Variants in GOLGA4 observed in about 807,000 individuals in gnomAD.
The protein encoded by GOLGA4 is golgin A4.
GOLGA4 carries 169 observed loss-of-function variants against 265.9 expected under a neutral mutation model. That is an observed-to-expected ratio of 0.64 (90% confidence interval 0.56 to 0.72). The LOEUF (loss-of-function observed/expected upper bound fraction) is 0.72, where lower values mean the gene tolerates loss of function less well. Ranked by LOEUF, GOLGA4 falls within the 30% of genes least tolerant of loss-of-function variation. The pLI, the probability that GOLGA4 is intolerant of heterozygous loss-of-function variation, is 0.00. For missense variants in GOLGA4, 2,482 were observed against 2,483.4 expected, an observed-to-expected ratio of 1.00 and a Z score of 0.01; for synonymous variants, 923 against 855.8, an observed-to-expected ratio of 1.08 and a Z score of -1.37.
intron 18 of GOLGA4, among the ~76,000 whole-genome samples, 196 bp downstream of exon 18, chr3:37,337,359 C>T (rs928780176): frequency 1.5e-4 from 23 of 151,802 alleles, no homozygotes; most frequent in Admixed American, 1.1e-3. Context: ...CCACCACGCC[C>T]GGCCAATTTT....
chr3:37,276,273 G>C (rs940939039), intron 2 of GOLGA4: 9 of 1,570,160 alleles, frequency 5.7e-6, no homozygotes, highest in Admixed American at 1.8e-5. Context: ...GTACGAAGTA[G>C]GATATCAAAT....
rs147753368 is a variant in GOLGA4, at chr3:37,271,999, C to G, written c.163-9959C>G. Reference sequence around the variant, plus strand: ...TTATGAGAATATAATGCCTGATGATCTGTCACTGTCTCCCATCACCCCCAG... The same window carrying G: ...TTATGAGAATATAATGCCTGATGATGTGTCACTGTCTCCCATCACCCCCAG... On this transcript the variant is annotated intron_variant, in intron 2 of 23. Coordinates refer to ENST00000361924, the MANE Select transcript of GOLGA4 (RefSeq NM_002078.5). 8.5e-3 allele frequency among the ~76,000 whole-genome samples: 1,300 copies of G among 152,304 alleles called. 24 individuals are homozygous for G. Among genetic ancestry groups the G allele is most frequent in the African/African-American group, 0.03 (1,238 of 41,558 alleles).
chr3:37,258,175 C>CAT lies in GOLGA4; in HGVS notation c.162+6698_162+6699dup, dbSNP rs1006696418. On this transcript the variant is annotated intron_variant, in intron 2 of 23. Transcript: ENST00000361924. Reference sequence around the variant, plus strand: ...CTGTATATGTATGCTATATATATAGCATATATATGCTCTGTATATGTATGA... The same window carrying CAT: ...CTGTATATGTATGCTATATATATAGCATATATATATGCTCTGTATATGTATGA... 5.0e-5 allele frequency among the ~76,000 whole-genome samples: 7 copies of CAT among 140,278 alleles called. No homozygotes were observed. The East Asian group carries it at 8.3e-4, about 17-fold the overall frequency. 92.0% of individuals were successfully genotyped at this position (140,278 alleles called of 152,430 possible).
At chr3:37,301,015 T>C (rs2096891265) in intron 9 of GOLGA4, among the ~76,000 whole-genome samples, 1 of 152,354 alleles carries the variant, frequency 6.6e-6, no homozygotes, top group Admixed American at 6.5e-5. Context: ...AGATTTCATA[T>C]AGCAGTGCCT....
rs751804568 is a variant in GOLGA4 at position 37,299,332 on chromosome 3, T to A, written c.1047T>A (p.Arg349=). ...AEKTKLITQL[R]DAKNLIEQLE... is the part of the protein sequence containing the mutation. ...AGACTAAACTTATCACTCAGTTGCG[T>A]GATGCAAAGAACTTAATTGAACAGC... The change falls in exon 9 of 24, where the codon CGT becomes CGA. Residue 349 remains arginine, a synonymous_variant. Transcript: ENST00000361924. The A allele has an allele frequency of 1.2e-6, 2 of 1,613,556 alleles. No individual in the cohort carries two copies. Among genetic ancestry groups the A allele is most frequent in the Admixed American group, 3.3e-5 (2 of 60,018 alleles).
At chr3:37,317,375 G>T (rs1267154060) in intron 11 of GOLGA4, among the ~76,000 whole-genome samples, 1 of 152,052 alleles carries the variant, frequency 6.6e-6, no homozygotes, top group Admixed American at 6.5e-5. Context: ...TCTCCATGTT[G>T]GCCAGGCTGG....
chr3:37,345,521 C>T (rs867255076), intron 20 of GOLGA4, among the ~76,000 whole-genome samples: 12 of 152,242 alleles, frequency 7.9e-5, no homozygotes, highest in Middle Eastern at 6.8e-3. Context: ...TTAGAGGCAA[C>T]GAGTAGACAA....
At chr3:37,271,119 T>C (rs1294279549) in intron 2 of GOLGA4, among the ~76,000 whole-genome samples, 1 of 152,122 alleles carries the variant, frequency 6.6e-6, no homozygotes, top group African/African-American at 2.4e-5. Context: ...GTAATGCGAG[T>C]GACGGGGAGC....
At chr3:37,313,897 T>C (rs769622167) in intron 10 of GOLGA4, among the ~76,000 whole-genome samples, 2 of 152,126 alleles carry the variant, frequency 1.3e-5, no homozygotes, top group African/African-American at 2.4e-5. Context: ...CATTGTGAAG[T>C]TGACAAATCT....
At chr3:37,248,800 G>C (rs536277664) in intron 1 of GOLGA4, among the ~76,000 whole-genome samples, 2 of 152,304 alleles carry the variant, frequency 1.3e-5, no homozygotes, top group South Asian at 2.1e-4. Flanking sequence ...CAAGGTGTAA[G>C]ACGTAATGCC....
intron 2 of GOLGA4, among the ~76,000 whole-genome samples, chr3:37,255,794 C>T (rs938621950): frequency 2.0e-5 from 3 of 151,380 alleles, no homozygotes; most frequent in African/African-American, 7.3e-5. Context: ...ACTCTGTTGC[C>T]CAGGTTGAAG....
chr3:37,302,064 T>C (rs940177790), intron 9 of GOLGA4, 121 bp from the exon 10 acceptor site: 18 of 793,866 alleles, frequency 2.3e-5, no homozygotes, highest in Non-Finnish European at 3.5e-5. Context: ...GCTGGGATTA[T>C]GGACATGAGT....
In GOLGA4 at chr3:37,324,021, A is replaced by G; in HGVS notation, c.2135A>G (p.Asp712Gly). The G allele has an allele frequency of 2.5e-6, 4 of 1,613,816 alleles. No homozygotes were observed. The highest frequency in any genetic ancestry group is 3.4e-6 in the Non-Finnish European group (4 of 1,179,854). ...GAAGAGGAACTTTCTGTTCTGAAAG[A>G]TCAAACAGATAAAATGAAGCAGGAA... ...KLEEELSVLKDQTDKMKQELE... is the reference protein window; with the variant it reads ...KLEEELSVLKGQTDKMKQELE... The change falls in exon 14 of 24, where the codon GAT (aspartate) becomes GGT (glycine). Residue 712 changes from aspartate to glycine, a missense_variant. Transcript: ENST00000361924.
chr3:37,355,545 G>T (rs886646803), intron 22 of GOLGA4, among the ~76,000 whole-genome samples: 2 of 152,138 alleles, frequency 1.3e-5, no homozygotes, highest in Middle Eastern at 3.4e-3. Flanking sequence ...CATGTTAGAT[G>T]ATTTATATAT....
In GOLGA4 at chr3:37,289,268, C is replaced by T. The variant is rs754037782; in HGVS notation, c.559C>T (p.Arg187Trp). 6.3e-6 allele frequency: 10 copies of T among 1,588,590 alleles called. No homozygotes were observed. The highest frequency in any genetic ancestry group is 1.7e-5 in the Admixed American group (1 of 58,540). Reference protein sequence around the residue: ...ILSQSQDKSLRRIAELREELQ... With the variant: ...ILSQSQDKSLWRIAELREELQ... ...AAGTCAGAGTCAGGATAAATCACTTCGGAGAATAGCAGAATTAAGAGAGGT... is the reference window on the plus strand; with the variant it reads ...AAGTCAGAGTCAGGATAAATCACTTTGGAGAATAGCAGAATTAAGAGAGGT... The change falls in exon 5 of 24, where the codon CGG becomes TGG. Residue 187 changes from arginine (R) to tryptophan (W), a missense_variant. Around this residue, in one of 3 missense-constraint regions of GOLGA4, gnomAD observed 1,536 missense variants for 1,483.7 expected, o/e 1.04. Coordinates refer to ENST00000361924, the MANE Select transcript of GOLGA4 (RefSeq NM_002078.5).
intron 3 of GOLGA4, 58 bp from the exon 4 acceptor site, chr3:37,285,956 C>T: frequency 9.9e-7 from 1 of 1,014,884 alleles, no homozygotes; most frequent in Non-Finnish European, 1.5e-6. Flanking sequence ...TTTTAGTGGA[C>T]TTTAGAATAA....
In GOLGA4 at chr3:37,321,869, G is replaced by A; in HGVS notation, c.1684G>A (p.Ala562Thr). Residue 562 changes from alanine (A) to threonine (T), a missense_variant, in exon 13 of 24, where the codon GCA (alanine) becomes ACA (threonine). By Grantham distance (58) the Ala-to-Thr change is moderately conservative. Around this residue, in one of 3 missense-constraint regions of GOLGA4, gnomAD observed 1,536 missense variants for 1,483.7 expected, o/e 1.04. Transcript: ENST00000361924. ...ENKLRDLQQE[A>T]ETYRTRILEL... is the part of the protein sequence containing the mutation. ...TAAACTTCGGGACCTTCAGCAAGAA[G>A]CAGAGACTTACAGAACTGTAAGTTT... 1.2e-6 allele frequency: 2 copies of A among 1,605,670 alleles called. No individual in the cohort carries two copies. Among genetic ancestry groups the A allele is most frequent in the Non-Finnish European group, 1.7e-6 (2 of 1,177,744 alleles).
At chr3:37,272,847 G>T (rs1271144529) in intron 2 of GOLGA4, among the ~76,000 whole-genome samples, 1 of 152,070 alleles carries the variant, frequency 6.6e-6, no homozygotes, top group African/African-American at 2.4e-5. Flanking sequence ...ATTTTAGTTA[G>T]ACAATGTATT....
rs143229912 is a variant in GOLGA4, at chr3:37,297,350, A to G, written c.814+1131A>G. Among the ~76,000 whole-genome samples, 22 of 152,344 alleles carry G rather than the reference A, an allele frequency of 1.4e-4. No homozygotes were observed. In the East Asian group the frequency reaches 4.1e-3, roughly 28 times the overall value. On this transcript the variant is annotated intron_variant, in intron 7 of 23. Coordinates refer to ENST00000361924, the MANE Select transcript of GOLGA4 (RefSeq NM_002078.5). ...GGGGCCAGTCCCGAAATTCCCAGAC[A>G]TGTGGAAACTTCAGACTCATAAATG...
Sources: gnomAD v4.1 joint callset for allele counts (sites outside exome capture counted in the v4.1 genomes callset) on GRCh38, gnomAD v4.1.1 for gene constraint, gnomAD v4.1.1 regional missense constraint, MANE v1.5 for transcripts, NCBI Gene and HGNC (gene_info 2026-07-23, HGNC 2026-07-21) for gene names.